SENP7: variants seen among roughly 807,000 people sequenced by gnomAD.
SENP7 encodes sentrin-specific protease 7.
SENP7 carries 64 observed loss-of-function variants against 141.2 expected under a neutral mutation model. That is an observed-to-expected ratio of 0.45 (90% CI 0.37 to 0.56). The LOEUF (loss-of-function observed/expected upper bound fraction) is 0.56, where lower values mean the gene tolerates loss of function less well. Among genes scored for constraint, SENP7 ranks in the 20% least tolerant of loss-of-function variants. SENP7 has a pLI of 0.00. For synonymous variants in SENP7, 382 were observed against 426.4 expected (o/e 0.90, Z 1.28); for missense variants, 1,025 against 1,212.2 (o/e 0.85, Z 2.29).
chr3:101,380,571 T>C (rs2060474480), intron 6 of SENP7, among the ~76,000 whole-genome samples: 1 of 150,608 alleles, frequency 6.6e-6, no homozygotes, highest in Non-Finnish European at 1.5e-5. Context: ...AAGGCTGTAG[T>C]GCACTATAAT....
chr3:101,429,091 T>C (rs1009122523), intron 4 of SENP7, among the ~76,000 whole-genome samples: 7 of 152,232 alleles, frequency 4.6e-5, no homozygotes, highest in Admixed American at 3.9e-4. Flanking sequence ...TTGGTTACTG[T>C]AGCCTTGTAG....
chr3:101,397,324 G>T (rs2060998729), intron 6 of SENP7, among the ~76,000 whole-genome samples: 1 of 151,932 alleles, frequency 6.6e-6, no homozygotes, highest in South Asian at 2.1e-4. Flanking sequence ...GCAGAAACAA[G>T]ATCTCACTAT....
chr3:101,366,339 T>TA, intron 9 of SENP7, 91 bp downstream of exon 9: 1 of 937,878 alleles, frequency 1.1e-6, no homozygotes, highest in Non-Finnish European at 1.6e-6. Context: ...AAACAGCTTA[T>TA]GGCCTTAGCC....
At chr3:101,421,233 T>C (rs558348677) in intron 4 of SENP7, among the ~76,000 whole-genome samples, 153 of 152,234 alleles carry the variant, frequency 1.0e-3, no homozygotes, top group Non-Finnish European at 1.6e-3. Context: ...TATGTGCATG[T>C]ATATATGTAT....
intron 6 of SENP7, among the ~76,000 whole-genome samples, chr3:101,390,019 AG>A (rs1321071733): frequency 6.6e-6 from 1 of 152,080 alleles, no homozygotes; most frequent in African/African-American, 2.4e-5. Flanking sequence ...CAGGAGTTAG[AG>A]ACCAGCCTGA....
At position 101,440,803 on chromosome 3, in the gene SENP7, T is replaced by C. The variant is rs189592648; in HGVS notation, c.284+18152A>G. ...GAATCCAGCAACGTATTAAGAATAT[T>C]ATAAATCAGATCAAGGAGATTTATC... On this transcript the variant is annotated intron_variant, in intron 4 of 23. Coordinates refer to ENST00000394095, the MANE Select transcript of SENP7 (RefSeq NM_020654.5). Among the ~76,000 whole-genome samples the C allele has an allele frequency of 2.4e-3, 365 of 152,260 alleles. 1 individual carries two copies. The highest frequency in any genetic ancestry group is 5.1e-3 in the Admixed American group (78 of 15,302).
chr3:101,337,752 C>T, intron 16 of SENP7, 121 bp from the exon 17 acceptor site: 1 of 869,932 alleles, frequency 1.1e-6, no homozygotes, highest in Non-Finnish European at 1.7e-6. Flanking sequence ...AGCAATCTTG[C>T]AGTTTCCTCT....
chr3:101,493,991 A>G, intron 2 of SENP7, 23 bp from the exon 3 acceptor site: 1 of 1,435,460 alleles, frequency 7.0e-7, no homozygotes, highest in East Asian at 2.3e-5. Context: ...TGAGAAAATA[A>G]TTAGTTTAAT....
intron 5 of SENP7, among the ~76,000 whole-genome samples, chr3:101,403,620 T>A (rs2061215831): frequency 6.6e-6 from 1 of 152,188 alleles, no homozygotes; most frequent in Non-Finnish European, 1.5e-5. Flanking sequence ...AAAATATCCA[T>A]TTATACCATA....
rs78797539 is a variant in SENP7 at position 101,333,578 on chromosome 3, G to A, written c.2481-716C>T. 3.9e-5 allele frequency among the ~76,000 whole-genome samples: 6 copies of A among 151,912 alleles called. No homozygotes were observed. In the East Asian group the frequency reaches 1.2e-3, roughly 29 times the overall value. On this transcript the variant is annotated intron_variant, in intron 17 of 23. Transcript: ENST00000394095. ...TTAATTAAAAATCTTAATGGAGGAG[G>A]AAAAATGAGGCTTTTATTCTCAGAT...
intron 6 of SENP7, among the ~76,000 whole-genome samples, chr3:101,386,521 T>C (rs536564704): frequency 4.6e-4 from 70 of 152,260 alleles, no homozygotes; most frequent in Admixed American, 7.8e-4. Context: ...GACGACATCA[T>C]GCCCTGAGGC....
chr3:101,348,647 G>A (rs528888443), intron 12 of SENP7, among the ~76,000 whole-genome samples: 2 of 152,166 alleles, frequency 1.3e-5, no homozygotes, highest in South Asian at 4.2e-4. Flanking sequence ...AGGAGGTTCT[G>A]AATGGTCTAA....
intron 4 of SENP7, among the ~76,000 whole-genome samples, chr3:101,451,796 C>T (rs911874646): frequency 3.3e-5 from 5 of 152,272 alleles, no homozygotes; most frequent in South Asian, 2.1e-4. Context: ...CCTTTGAAAA[C>T]TGGCACAAGA....
rs1576798831 is a variant in SENP7 at position 101,330,397 on chromosome 3, ATAAT to A, written c.2699-15_2699-12del. Reference sequence around the variant, plus strand: ...TACGTAGATCATTATCTAGTTAGAAATAATTAAGCAGTTATGAGTGTTTATTGCA... The same window carrying A: ...TACGTAGATCATTATCTAGTTAGAAATAAGCAGTTATGAGTGTTTATTGCA... On this transcript the variant is annotated splice_polypyrimidine_tract_variant and intron_variant, in intron 19 of 23. Coordinates refer to ENST00000394095, the MANE Select transcript of SENP7 (RefSeq NM_020654.5). 2 of 1,591,304 alleles carry A rather than the reference ATAAT, an allele frequency of 1.3e-6. No homozygotes were observed. The highest frequency in any genetic ancestry group is 2.2e-5 in the East Asian group (1 of 44,598).
At chr3:101,350,988 T>C (rs2059598305) in intron 12 of SENP7, among the ~76,000 whole-genome samples, 1 of 152,024 alleles carries the variant, frequency 6.6e-6, no homozygotes, top group African/African-American at 2.4e-5. Context: ...TAAAGCTACT[T>C]TGATAGCATC....
At chr3:101,356,962 T>C (rs2059759675) in intron 11 of SENP7, among the ~76,000 whole-genome samples, 1 of 152,216 alleles carries the variant, frequency 6.6e-6, no homozygotes, top group Admixed American at 6.5e-5. Flanking sequence ...GAAAGAATTT[T>C]TGACAGTAAT....
chr3:101,463,398 CATATATATATATATAT>C (rs1257100584), intron 3 of SENP7, among the ~76,000 whole-genome samples: 5 of 58,692 alleles, frequency 8.5e-5, no homozygotes, highest in African/African-American at 3.1e-4. Context: ...TATATATATA[CATATATATATATATAT>C]ATACACACAC....
intron 4 of SENP7, chr3:101,458,707 C>CAT (rs2063442031): frequency 3.9e-6 from 1 of 254,944 alleles, no homozygotes; most frequent in Admixed American, 5.3e-5. Flanking sequence ...TCATCATTAT[C>CAT]AGTCTATGTA....
rs1208372349 is a variant in SENP7 at position 101,337,523 on chromosome 3, A to G, written c.2466T>C (p.Asp822=). The change falls in exon 17 of 24, where the codon GAT becomes GAC. Residue 822 remains aspartate, a synonymous_variant. Transcript: ENST00000394095. ...GATTAACTTACGAAAGATTTGGATT[A>G]TCTTCTGTTAAATTATTTTCCTTTC... is the stretch of plus-strand genomic sequence containing the variant. ...LTRKENNLTE[D]NPNLSMAQRR... The G allele has an allele frequency of 6.5e-7, 1 of 1,538,764 alleles. No individual in the cohort carries two copies. The highest frequency in any genetic ancestry group is 8.9e-7 in the Non-Finnish European group (1 of 1,118,796).
Sources: allele counts gnomAD v4.1 joint callset (sites outside exome capture counted in the v4.1 genomes callset), GRCh38; gene constraint gnomAD v4.1.1; transcripts MANE v1.5; gene names NCBI Gene and HGNC (gene_info 2026-07-23, HGNC 2026-07-21).